Variants in LNX1 observed in about 807,000 individuals in gnomAD.
The protein encoded by LNX1 is ligand of numb-protein X 1, also known as E3 ubiquitin-protein ligase LNX.
A neutral mutation model predicts 68.4 loss-of-function variants in LNX1; 54 were observed. The ratio of observed to expected loss-of-function variants is 0.79; its 90% CI spans 0.63 to 0.99. LNX1 has a LOEUF of 0.99. LNX1 is among the 50% of genes least tolerant of loss of function. The pLI, the probability that LNX1 is intolerant of heterozygous loss-of-function variation, is 0.00. For synonymous variants in LNX1, 336 were observed against 350.0 expected (o/e 0.96, Z 0.45); for missense variants, 906 against 926.4 (o/e 0.98, Z 0.29).
chr4:53,497,180 T>G (rs1320402168), intron 5 of LNX1, among the ~76,000 whole-genome samples: 8 of 152,308 alleles, frequency 5.3e-5, no homozygotes, highest in Middle Eastern at 3.4e-3. Context: ...TCACTAATGA[T>G]GTGTAGGGCT....
At chr4:53,572,963 G>A (rs1171394393) in intron 2 of LNX1, among the ~76,000 whole-genome samples, 1 of 152,162 alleles carries the variant, frequency 6.6e-6, no homozygotes, top group African/African-American at 2.4e-5. Flanking sequence ...CAATACAGAG[G>A]AAATTCTAAT....
intron 2 of LNX1, among the ~76,000 whole-genome samples, chr4:53,540,296 T>A (rs1391595200): frequency 6.6e-6 from 1 of 152,066 alleles, no homozygotes; most frequent in Non-Finnish European, 1.5e-5. Flanking sequence ...GGAGAGAGGA[T>A]GGCTTGAGCC....
At chr4:53,605,844 T>C (rs1369947536) in intron 2 of LNX1, among the ~76,000 whole-genome samples, 1 of 152,260 alleles carries the variant, frequency 6.6e-6, no homozygotes, top group East Asian at 1.9e-4. Flanking sequence ...TTGGTTGTTT[T>C]CATAGCTTGG....
At chr4:53,620,002 G>A (rs538158310), upstream of LNX1, among the ~76,000 whole-genome samples, 1 of 152,260 alleles carries the variant, frequency 6.6e-6, no homozygotes, top group South Asian at 2.1e-4. Context: ...TATTCTTATA[G>A]ATTTAAAAGA....
At position 53,564,447 on chromosome 4, in the gene LNX1, G is replaced by A. The variant is rs73818505; in HGVS notation, c.380+9176C>T. Among the ~76,000 whole-genome samples the A allele has an allele frequency of 4.8e-3, 726 of 152,310 alleles. 8 individuals carry two copies. The highest frequency in any genetic ancestry group is 0.017 in the African/African-American group (689 of 41,564). On this transcript the variant is annotated intron_variant, in intron 2 of 10. Coordinates refer to ENST00000263925, the MANE Select transcript of LNX1 (RefSeq NM_001126328.3). ...GTCCTGGATGAGGGGATGAGGAGGA[G>A]TGGCTGGGTTTTCACTTTCTCCCCA...
rs1560630538 is a variant in LNX1, at chr4:53,501,299, TGGGGG to T, written c.776-2461_776-2457del. Among the ~76,000 whole-genome samples the T allele has an allele frequency of 9.4e-3, 364 of 38,706 alleles. 9 individuals are homozygous for T. Among genetic ancestry groups the T allele is most frequent in the Non-Finnish European group, 0.017 (247 of 14,324 alleles). 25.4% of individuals were successfully genotyped at this position (38,706 alleles called of 152,430 possible). On this transcript the variant is annotated intron_variant, in intron 4 of 10. Transcript: ENST00000263925. ...TAATAATCTTTTTTTTTTTTTTTTT[TGGGGG>T]TGGGGGGACAGGATCTCACTCTGTC...
chr4:53,627,891 A>G (rs1320778303), intron 1 of LNX1, among the ~76,000 whole-genome samples: 3 of 152,178 alleles, frequency 2.0e-5, no homozygotes, highest in African/African-American at 7.2e-5. Context: ...TGAGGGTTTC[A>G]ATGGGATGAA....
At position 53,496,122 on chromosome 4, in the gene LNX1, T is replaced by A. The variant is rs755086500; in HGVS notation, c.1251A>T (p.Ala417=). ...TCTCCTCAAGCTGACCATGTCGATA[T>A]GCCACACCGCCATCCAGCACATTGA... ...FIFNVLDGGV[A]YRHGQLEEND... is the part of the protein sequence containing the mutation. The change falls in exon 6 of 11, where the codon GCA becomes GCT. Residue 417 remains alanine (A), a synonymous_variant. Transcript: ENST00000263925. 4.3e-6 allele frequency: 7 copies of A among 1,614,032 alleles called. No homozygotes were observed. The highest frequency in any genetic ancestry group is 1.3e-5 in the African/African-American group (1 of 74,906).
At chr4:53,592,509 T>A (rs1234568514), upstream of LNX1, among the ~76,000 whole-genome samples, 1 of 152,306 alleles carries the variant, frequency 6.6e-6, no homozygotes, top group East Asian at 1.9e-4. Flanking sequence ...ACCACCTGCA[T>A]CCAGCATCCC....
chr4:53,526,555 G>C (rs187100903), intron 2 of LNX1, among the ~76,000 whole-genome samples: 216 of 151,684 alleles, frequency 1.4e-3, no homozygotes, highest in Non-Finnish European at 2.5e-3. Context: ...GTGATGAGAG[G>C]CTTTTCCTTC....
intron 2 of LNX1, among the ~76,000 whole-genome samples, chr4:53,613,898 T>C (rs891127856): frequency 1.3e-5 from 2 of 152,222 alleles, no homozygotes; most frequent in African/African-American, 4.8e-5. Flanking sequence ...TCTTCCACAA[T>C]GGTTGAACTA....
intron 2 of LNX1, among the ~76,000 whole-genome samples, chr4:53,571,446 C>G (rs1186391778): frequency 6.6e-6 from 1 of 151,986 alleles, no homozygotes; most frequent in African/African-American, 2.4e-5. Flanking sequence ...AGGATGGAAG[C>G]AGAGGCCAGA....
intron 2 of LNX1, among the ~76,000 whole-genome samples, chr4:53,554,490 A>G (rs1288299367): frequency 6.6e-6 from 1 of 152,248 alleles, no homozygotes; most frequent in Non-Finnish European, 1.5e-5. Flanking sequence ...CAGGCATTAT[A>G]TATTCATTCT....
rs1460236710 is a variant in LNX1 at position 53,647,464 on chromosome 4, A to G, written c.-215+4704T>C. Among the ~76,000 whole-genome samples, 6 of 152,178 alleles carry G rather than the reference A, an allele frequency of 3.9e-5. No individual in the cohort carries two copies. In the East Asian group the frequency reaches 1.2e-3, roughly 29 times the overall value. On this transcript the variant is annotated intron_variant, in intron 1 of 2. Transcript: ENST00000507168. ...TTAACAATGTCTCAGCCAATGATGG[A>G]GAATATGACCAATTTCTAACCAAGA...
chr4:53,539,825 G>C (rs1460893706), intron 2 of LNX1, among the ~76,000 whole-genome samples: 1 of 152,200 alleles, frequency 6.6e-6, no homozygotes, highest in Admixed American at 6.5e-5. Context: ...GGAGGACAGG[G>C]ACAATGGTTT....
intron 9 of LNX1, among the ~76,000 whole-genome samples, chr4:53,465,307 T>C (rs1449335357): frequency 6.6e-6 from 1 of 152,218 alleles, no homozygotes; most frequent in Non-Finnish European, 1.5e-5. Flanking sequence ...TTCTCTTTAC[T>C]TGTTAGCATG....
chr4:53,629,912 C>A (rs1734207887), intron 1 of LNX1, among the ~76,000 whole-genome samples: 1 of 152,116 alleles, frequency 6.6e-6, no homozygotes, highest in South Asian at 2.1e-4. Context: ...ATAAAGACAA[C>A]AATACATCAA....
chr4:53,646,568 A>G (rs1734888297), intron 1 of LNX1, among the ~76,000 whole-genome samples: 2 of 152,258 alleles, frequency 1.3e-5, no homozygotes, highest in African/African-American at 4.8e-5. Context: ...GAGTGAATGA[A>G]CAAATATAGG....
chr4:53,609,062 A>G (rs1228547976), intron 2 of LNX1, among the ~76,000 whole-genome samples: 3 of 152,272 alleles, frequency 2.0e-5, no homozygotes, highest in Admixed American at 2.0e-4. Flanking sequence ...AAAAACAGAC[A>G]CATAGACCAA....
Sources: allele counts gnomAD v4.1 joint callset (sites outside exome capture counted in the v4.1 genomes callset), GRCh38; gene constraint gnomAD v4.1.1; transcripts MANE v1.5; gene names NCBI Gene and HGNC (gene_info 2026-07-23, HGNC 2026-07-21).